Variants in DTX4 observed in about 807,000 individuals in gnomAD.
DTX4 encodes the protein deltex E3 ubiquitin ligase 4.
DTX4 carries 28 observed loss-of-function variants against 57.6 expected under a neutral mutation model. The ratio of observed to expected loss-of-function variants is 0.49; its 90% confidence interval spans 0.36 to 0.67. DTX4 has a LOEUF of 0.67. Ranked by LOEUF, DTX4 falls within the 30% of genes least tolerant of loss-of-function variation. DTX4 has a pLI of 0.00. For missense variants in DTX4, 715 were observed against 836.8 expected (o/e 0.85, Z 1.80); for synonymous variants, 316 against 331.0 (o/e 0.95, Z 0.49).
intron 1 of DTX4, among the ~76,000 whole-genome samples, chr11:59,175,321 C>T (rs1862381782): frequency 6.6e-6 from 1 of 152,246 alleles, no homozygotes; most frequent in South Asian, 2.1e-4. Flanking sequence ...TGTATGGGGA[C>T]ATTTCCTGAC....
chr11:59,179,911 T>C (rs533927542), intron 1 of DTX4, among the ~76,000 whole-genome samples: 1 of 149,964 alleles, frequency 6.7e-6, no homozygotes, highest in Non-Finnish European at 1.5e-5. Flanking sequence ...CCTACACACA[T>C]ACACACACAG....
At chr11:59,184,623 C>G (rs1300182365) in intron 2 of DTX4, among the ~76,000 whole-genome samples, 1 of 152,194 alleles carries the variant, frequency 6.6e-6, no homozygotes, top group Non-Finnish European at 1.5e-5. Flanking sequence ...GAGAGGCACC[C>G]AGGTGGCTTT....
chr11:59,207,465 G>C lies in DTX4; in HGVS notation c.*2556G>C, dbSNP rs1397510819. 6.6e-6 allele frequency: 1 copy of C among 152,512 alleles called. No individual in the cohort carries two copies. 9.4% of individuals were successfully genotyped at this position (152,512 alleles called of 1,614,324 possible). On this transcript the variant is annotated 3_prime_UTR_variant, in exon 9 of 9. Coordinates refer to ENST00000227451, the MANE Select transcript of DTX4 (RefSeq NM_015177.2). ...GCTACCTCATCCTCGTGCTGTTCTT[G>C]TGTGGCTTTCTGGGCAGTAGGGATC...
chr11:59,183,866 C>A (rs1164973957), intron 2 of DTX4, among the ~76,000 whole-genome samples: 1 of 152,206 alleles, frequency 6.6e-6, no homozygotes. Context: ...GGGAGTTGGC[C>A]TCTTGGCAGT....
intron 2 of DTX4, 88 bp downstream of exon 2, chr11:59,182,550 A>G: frequency 7.0e-7 from 1 of 1,434,954 alleles, no homozygotes; most frequent in Non-Finnish European, 9.2e-7. Flanking sequence ...AGGGGCTGCC[A>G]AGACTTAAGC....
At position 59,195,353 on chromosome 11, in the gene DTX4, T is replaced by TC. The variant is rs762133243; in HGVS notation, c.1527dup (p.Gly510ArgfsTer66). On this transcript the variant is annotated frameshift_variant, in exon 7 of 9. Coordinates refer to ENST00000227451, the MANE Select transcript of DTX4 (RefSeq NM_015177.2). LOFTEE classifies it high-confidence loss of function. ...AAAACCATCCGGATCATCTACAGCA[T>TC]CCCCCCCGGCATTCAGGTGAGCCTT... The TC allele has an allele frequency of 6.9e-6, 11 of 1,605,618 alleles. No individual in the cohort carries two copies. Among genetic ancestry groups the TC allele is most frequent in the African/African-American group, 1.3e-5 (1 of 74,584 alleles).
rs1274054948 is a variant in DTX4 at position 59,194,993 on chromosome 11, A to C, written c.1375-215A>C. 4 of 594,060 alleles carry C rather than the reference A, an allele frequency of 6.7e-6. No homozygotes were observed. In the East Asian group the frequency reaches 1.2e-4, roughly 17 times the overall value. The allele number at this position is 594,060 out of a possible 1,614,324, so 36.8% of individuals were successfully genotyped here. On this transcript the variant is annotated intron_variant, in intron 6 of 8. Coordinates refer to ENST00000227451, the MANE Select transcript of DTX4 (RefSeq NM_015177.2). ...TTCTCTTACATATCCCTCAGCATGG[A>C]GCATGGGACCAGTTGTGGAATTTAC...
chr11:59,184,946 C>A (rs1030416235), intron 2 of DTX4, among the ~76,000 whole-genome samples: 2 of 152,182 alleles, frequency 1.3e-5, no homozygotes, highest in Non-Finnish European at 2.9e-5. Context: ...TCTGGCATTG[C>A]CATCGACCTT....
intron 1 of DTX4, among the ~76,000 whole-genome samples, chr11:59,176,448 T>A (rs1862397047): frequency 6.6e-6 from 1 of 152,276 alleles, no homozygotes; most frequent in Admixed American, 6.5e-5. Flanking sequence ...CCCTATGTCC[T>A]ATTTCTACAT....
rs1294205983 is a variant in DTX4, at chr11:59,205,942, C to A, written c.*1033C>A. On this transcript the variant is annotated 3_prime_UTR_variant, in exon 9 of 9. Coordinates refer to ENST00000227451, the MANE Select transcript of DTX4 (RefSeq NM_015177.2). Reference sequence around the variant, plus strand: ...ATGCCAAACCCCAGTTCTGATGGGGCTCCAACAGCCAGGCTGTGGTCCTTT... The same window carrying A: ...ATGCCAAACCCCAGTTCTGATGGGGATCCAACAGCCAGGCTGTGGTCCTTT... 6.6e-6 allele frequency: 1 copy of A among 152,614 alleles called. No individual in the cohort carries two copies. Among genetic ancestry groups the A allele is most frequent in the Non-Finnish European group, 1.5e-5 (1 of 68,120 alleles). The allele number at this position is 152,614 out of a possible 1,614,324, so 9.5% of individuals were successfully genotyped here.
chr11:59,193,077 C>A (rs561042057), intron 6 of DTX4, among the ~76,000 whole-genome samples: 5 of 152,186 alleles, frequency 3.3e-5, no homozygotes, highest in Admixed American at 6.5e-5. Context: ...TAGCTCCCAA[C>A]CTCTCACTAA....
intron 1 of DTX4, among the ~76,000 whole-genome samples, chr11:59,181,026 A>C (rs1461762507): frequency 1.3e-5 from 2 of 151,828 alleles, no homozygotes; most frequent in East Asian, 3.9e-4. Context: ...TCATAGTAAC[A>C]CACCATTTTT....
intron 1 of DTX4, among the ~76,000 whole-genome samples, chr11:59,179,752 C>T (rs2135513109): frequency 6.6e-6 from 1 of 152,366 alleles, no homozygotes; most frequent in South Asian, 2.1e-4. Context: ...CATCTCTTGC[C>T]ATCTCCTGCA....
At chr11:59,199,035 A>G (rs1862708864) in intron 7 of DTX4, among the ~76,000 whole-genome samples, 1 of 152,190 alleles carries the variant, frequency 6.6e-6, no homozygotes, top group African/African-American at 2.4e-5. Flanking sequence ...AAATGCTGTT[A>G]GAAGATTTTT....
intron 4 of DTX4, among the ~76,000 whole-genome samples, chr11:59,189,937 G>A (rs1327462183): frequency 6.6e-6 from 1 of 152,306 alleles, no homozygotes; most frequent in Non-Finnish European, 1.5e-5. Flanking sequence ...TCTGTGGCTT[G>A]TCTTTCTGGT....
Position 59,181,983 on chromosome 11 carries a change from C to T in DTX4, c.456C>T (p.Arg152=), listed in dbSNP as rs777266975. The T allele has an allele frequency of 8.7e-6, 14 of 1,613,854 alleles. No individual in the cohort carries two copies. Among genetic ancestry groups the T allele is most frequent in the East Asian group, 2.2e-5 (1 of 44,900 alleles). ...QINRQTQRQR[R]VRRRLDLIYP... is the part of the protein sequence containing the mutation. Reference sequence around the variant, plus strand: ...ACCGTCAGACCCAGCGCCAACGCCGCGTCCGCCGGCGCCTCGACCTCATCT... The same window carrying T: ...ACCGTCAGACCCAGCGCCAACGCCGTGTCCGCCGGCGCCTCGACCTCATCT... Residue 152 remains arginine (R), a synonymous_variant, in exon 2 of 9, where the codon CGC becomes CGT. Transcript: ENST00000227451.
chr11:59,187,383 T>C (rs539007460), intron 2 of DTX4, among the ~76,000 whole-genome samples: 2 of 152,302 alleles, frequency 1.3e-5, no homozygotes, highest in East Asian at 3.9e-4. Context: ...GTTTATATGC[T>C]GTGAGCAGTT....
chr11:59,195,435 G>A, intron 7 of DTX4, 66 bp downstream of exon 7: 2 of 1,504,612 alleles, frequency 1.3e-6, no homozygotes, highest in South Asian at 1.3e-5. Context: ...TGTGTTTGTA[G>A]GTAAAAAGTT....
chr11:59,172,064 G>A (rs1345291645), upstream of DTX4, among the ~76,000 whole-genome samples: 2 of 151,640 alleles, frequency 1.3e-5, no homozygotes, highest in African/African-American at 4.8e-5. Flanking sequence ...TCCCAGCGGC[G>A]GGGACTGCAA....
Sources: allele counts gnomAD v4.1 joint callset (sites outside exome capture counted in the v4.1 genomes callset), GRCh38; gene constraint gnomAD v4.1.1; transcripts MANE v1.5; gene names NCBI Gene and HGNC (gene_info 2026-07-23, HGNC 2026-07-21).